The following AOX1 variants were observed in gnomAD, a reference collection of about 807,000 sequenced individuals.
AOX1 encodes the protein aldehyde oxidase 1, also known as aldehyde oxidase.
A neutral mutation model predicts 169.5 loss-of-function variants in AOX1; 153 were observed. That is an observed-to-expected ratio of 0.90 (90% CI 0.79 to 1.03). The LOEUF is 1.03. Among genes scored for constraint, AOX1 ranks in the 50% least tolerant of loss-of-function variants. AOX1 has a pLI of 0.00. For missense variants in AOX1, 1,656 were observed against 1,663.9 expected, an observed-to-expected ratio of 1.00 and a Z score of 0.08; for synonymous variants, 562 against 581.9, an observed-to-expected ratio of 0.97 and a Z score of 0.49.
At chr2:200,681,793 AT>A (rs2036154133), downstream of AOX1, among the ~76,000 whole-genome samples, 1 of 152,196 alleles carries the variant, frequency 6.6e-6, no homozygotes, top group Non-Finnish European at 1.5e-5. Flanking sequence ...GCATATGCTT[AT>A]TGAAACAGTC....
intron 25 of AOX1, among the ~76,000 whole-genome samples, chr2:200,646,488 A>G (rs944907625): frequency 5.3e-5 from 8 of 152,110 alleles, no homozygotes; most frequent in African/African-American, 1.7e-4. Flanking sequence ...CATATGATCT[A>G]TCTTGGAGAA....
At chr2:200,607,605 T>C (rs780686666) in intron 10 of AOX1, among the ~76,000 whole-genome samples, 17 of 152,066 alleles carry the variant, frequency 1.1e-4, no homozygotes, top group Non-Finnish European at 2.1e-4. Flanking sequence ...GACCCAGTAA[T>C]CCCATTACTG....
intron 5 of AOX1, among the ~76,000 whole-genome samples, chr2:200,601,310 C>T (rs747245492): frequency 6.6e-6 from 1 of 151,870 alleles, no homozygotes; most frequent in African/African-American, 2.4e-5. Flanking sequence ...GCCTGGGGAA[C>T]GGGAAAACAA....
At chr2:200,637,385 CCTATAT>C in intron 22 of AOX1, among the ~76,000 whole-genome samples, 1 of 151,968 alleles carries the variant, frequency 6.6e-6, no homozygotes, top group African/African-American at 2.4e-5. Flanking sequence ...GAACAATGTA[CCTATAT>C]ATACATACAC....
At chr2:200,609,296 G>T in intron 11 of AOX1, 25 bp from the exon 12 acceptor site, 1 of 1,603,070 alleles carries the variant, frequency 6.2e-7, no homozygotes, top group Non-Finnish European at 8.5e-7. Context: ...TTACATAAAT[G>T]AAAATAACTC....
intron 26 of AOX1, among the ~76,000 whole-genome samples, chr2:200,653,078 G>A (rs1468589120): frequency 6.6e-6 from 1 of 152,160 alleles, no homozygotes; most frequent in African/African-American, 2.4e-5. Flanking sequence ...AGCTGGTAGA[G>A]GTAAGGCTGG....
chr2:200,609,160 C>G (rs913976355), intron 11 of AOX1, 25 bp downstream of exon 11: 1 of 1,612,372 alleles, frequency 6.2e-7, no homozygotes, highest in Non-Finnish European at 8.5e-7. Context: ...ACAGTAAACT[C>G]TGGTATGCAT....
intron 19 of AOX1, 47 bp downstream of exon 19, chr2:200,624,030 A>G: frequency 6.2e-7 from 1 of 1,608,716 alleles, no homozygotes; most frequent in Middle Eastern, 1.7e-4. Context: ...GCCAGAACAA[A>G]TATCAGTTAA....
chr2:200,589,666 T>TGG (rs910882553), intron 1 of AOX1, among the ~76,000 whole-genome samples: 1 of 152,222 alleles, frequency 6.6e-6, no homozygotes, highest in Non-Finnish European at 1.5e-5. Context: ...TGGAAACAAT[T>TGG]GTTGCTATCT....
chr2:200,669,274 T>C (rs973596049), intron 33 of AOX1, among the ~76,000 whole-genome samples: 3 of 152,084 alleles, frequency 2.0e-5, no homozygotes, highest in Admixed American at 1.3e-4. Context: ...TGAAACCCCA[T>C]CTCTGCTAAA....
rs1242023608 is a variant in AOX1, at chr2:200,669,797, C to T, written c.3966+55C>T. Reference sequence around the variant, plus strand: ...GATCATAAAATTCTGAATTTTTGGCCTCTGTTCTTGTGGTAAGTTTTCGTG... The same window carrying T: ...GATCATAAAATTCTGAATTTTTGGCTTCTGTTCTTGTGGTAAGTTTTCGTG... On this transcript the variant is annotated intron_variant, in intron 34 of 34. Transcript: ENST00000374700. 20 of 1,584,114 alleles carry T rather than the reference C, an allele frequency of 1.3e-5. No individual in the cohort carries two copies. In the East Asian group the frequency reaches 3.6e-4, roughly 28 times the overall value.
chr2:200,627,224 G>GA, intron 19 of AOX1, 129 bp from the exon 20 acceptor site: 1 of 658,678 alleles, frequency 1.5e-6, no homozygotes, highest in South Asian at 1.9e-5. Flanking sequence ...GGGTCATGGT[G>GA]AAAGTGCACG....
At chr2:200,604,569 C>T in intron 8 of AOX1, 127 bp from the exon 9 acceptor site, 1 of 1,013,984 alleles carries the variant, frequency 9.9e-7, no homozygotes, top group East Asian at 2.4e-5. Context: ...ACTTTTAGGT[C>T]ACTTTGTACT....
rs1559236291 is a variant in AOX1 at position 200,609,315 on chromosome 2, T to A, written c.1060-6T>A. On this transcript the variant is annotated splice_polypyrimidine_tract_variant and splice_region_variant and intron_variant, in intron 11 of 34. Coordinates refer to ENST00000374700, the MANE Select transcript of AOX1 (RefSeq NM_001159.4). ...ATAAATGAAAATAACTCATTATTTTTAAAAGTCTTTAGGGGGACACATCAT... is the reference window on the plus strand; with the variant it reads ...ATAAATGAAAATAACTCATTATTTTAAAAAGTCTTTAGGGGGACACATCAT... 1 of 1,613,038 alleles carries A rather than the reference T, an allele frequency of 6.2e-7. No individual in the cohort carries two copies. Among genetic ancestry groups the A allele is most frequent in the Non-Finnish European group, 8.5e-7 (1 of 1,179,176 alleles).
chr2:200,629,575 C>T (rs1309149822), intron 20 of AOX1, among the ~76,000 whole-genome samples: 1 of 152,124 alleles, frequency 6.6e-6, no homozygotes, highest in East Asian at 1.9e-4. Context: ...CAAAACAGCC[C>T]AGGAACTGGT....
At chr2:200,675,978 GT>G (rs1167603582), downstream of AOX1, among the ~76,000 whole-genome samples, 1 of 151,550 alleles carries the variant, frequency 6.6e-6, no homozygotes. Flanking sequence ...AGCATGAATA[GT>G]TTGAGTTCAC....
chr2:200,632,503 A>T (rs1012037089), intron 20 of AOX1, among the ~76,000 whole-genome samples: 3 of 152,046 alleles, frequency 2.0e-5, no homozygotes, highest in Admixed American at 6.6e-5. Context: ...CACATGAAGC[A>T]ATGTTATAAT....
At chr2:200,672,698 C>A (rs1484928963), downstream of AOX1, among the ~76,000 whole-genome samples, 1 of 152,034 alleles carries the variant, frequency 6.6e-6, no homozygotes, top group Non-Finnish European at 1.5e-5. Flanking sequence ...TGCTTGAGTG[C>A]TAAGGGAAGA....
At chr2:200,655,875 A>T (rs2540069) in intron 26 of AOX1, among the ~76,000 whole-genome samples, 1 of 151,972 alleles carries the variant, frequency 6.6e-6, no homozygotes, top group African/African-American at 2.4e-5. Flanking sequence ...CAGTTCCATC[A>T]ACCTTCACTT....
Sources: allele counts gnomAD v4.1 joint callset (sites outside exome capture counted in the v4.1 genomes callset), GRCh38; gene constraint gnomAD v4.1.1; transcripts MANE v1.5; gene names NCBI Gene and HGNC (gene_info 2026-07-23, HGNC 2026-07-21).